FAF2: variants seen among roughly 807,000 people sequenced by gnomAD.
The protein encoded by FAF2 is FAS-associated factor 2.
A neutral mutation model predicts 62.3 loss-of-function variants in FAF2; 9 were observed. The observed-to-expected ratio is 0.14, with a 90% CI of 0.09 to 0.25. The LOEUF is 0.25. Among genes scored for constraint, FAF2 ranks in the 10% least tolerant of loss-of-function variants. The pLI is 1.00. For missense variants in FAF2, 368 were observed against 556.2 expected, an observed-to-expected ratio of 0.66 and a Z score of 3.40; for synonymous variants, 202 against 198.0, an observed-to-expected ratio of 1.02 and a Z score of -0.17.
At chr5:176,468,342 TGG>T (rs1259111103) in intron 1 of FAF2, among the ~76,000 whole-genome samples, 1 of 152,164 alleles carries the variant, frequency 6.6e-6, no homozygotes, top group East Asian at 1.9e-4. Context: ...CCCAGCACTT[TGG>T]GAGGCCGAGG....
At chr5:176,501,631 A>C (rs1286959150) in intron 10 of FAF2, among the ~76,000 whole-genome samples, 2 of 152,226 alleles carry the variant, frequency 1.3e-5, no homozygotes, top group Non-Finnish European at 2.9e-5. Flanking sequence ...AGAATGTAAG[A>C]CTCAGAGAAC....
intron 1 of FAF2, 53 bp downstream of exon 1, chr5:176,448,523 C>A: frequency 6.6e-7 from 1 of 1,521,984 alleles, no homozygotes; most frequent in Non-Finnish European, 8.9e-7. Context: ...GGGAGTAGGC[C>A]CCTAGAGGAG....
intron 1 of FAF2, among the ~76,000 whole-genome samples, chr5:176,461,646 A>G (rs929609702): frequency 1.3e-5 from 2 of 150,788 alleles, no homozygotes; most frequent in Admixed American, 6.6e-5. Flanking sequence ...TTTTTTTTTA[A>G]TGGGGTTATT....
At chr5:176,471,574 G>T (rs1758570499) in intron 1 of FAF2, among the ~76,000 whole-genome samples, 1 of 151,628 alleles carries the variant, frequency 6.6e-6, no homozygotes, top group African/African-American at 2.4e-5. Flanking sequence ...GTAGAGACGG[G>T]GTTTCACCAT....
intron 1 of FAF2, among the ~76,000 whole-genome samples, chr5:176,473,449 T>C (rs1758608368): frequency 6.6e-6 from 1 of 152,224 alleles, no homozygotes; most frequent in South Asian, 2.1e-4. Context: ...TGTCGATGTT[T>C]TGGCCTTGAT....
intron 1 of FAF2, among the ~76,000 whole-genome samples, chr5:176,472,211 T>G (rs1561819422): frequency 6.6e-6 from 1 of 151,722 alleles, no homozygotes; most frequent in Non-Finnish European, 1.5e-5. Flanking sequence ...GCTCACTGCT[T>G]TCTCAGCTCA....
intron 1 of FAF2, 117 bp from the exon 2 acceptor site, chr5:176,479,071 T>G: frequency 1.2e-6 from 1 of 820,706 alleles, no homozygotes; most frequent in Non-Finnish European, 2.1e-6. Context: ...TTACCATACT[T>G]TAACACTCAC....
rs61443027 is a variant in FAF2, at chr5:176,477,244, C to CTTTT, written c.64-1927_64-1924dup. Among the ~76,000 whole-genome samples, 238 of 78,410 alleles carry CTTTT rather than the reference C, an allele frequency of 3.0e-3. 2 individuals carry two copies. The highest frequency in any genetic ancestry group is 0.013 in the African/African-American group (225 of 17,844). 51.4% of individuals were successfully genotyped at this position (78,410 alleles called of 152,430 possible). A position where few individuals can be genotyped will look rare whatever the true frequency, so the allele number is the denominator to read the frequency against. On this transcript the variant is annotated intron_variant, in intron 1 of 10. Coordinates refer to ENST00000261942, the MANE Select transcript of FAF2 (RefSeq NM_014613.3). ...ACAGGCATGAGCCACCGTGCCCGGC[C>CTTTT]TTTTTTTTTTTTTTTTTTTTAAGTA...
chr5:176,506,708 T>C (rs964187704), intron 10 of FAF2, 60 bp from the exon 11 acceptor site: 3 of 955,940 alleles, frequency 3.1e-6, no homozygotes, highest in Admixed American at 2.5e-5. Flanking sequence ...CGTGTGTGCG[T>C]GTGTGTGTGT....
intron 1 of FAF2, among the ~76,000 whole-genome samples, chr5:176,467,791 G>A (rs1758496698): frequency 6.6e-6 from 1 of 152,132 alleles, no homozygotes. Context: ...CAGGATTGTT[G>A]AGGAAAATGT....
chr5:176,462,688 G>A (rs1367155833), intron 1 of FAF2, among the ~76,000 whole-genome samples: 2 of 152,190 alleles, frequency 1.3e-5, no homozygotes, highest in African/African-American at 4.8e-5. Flanking sequence ...ATCCTCTCAT[G>A]TCAAGTTTTA....
At chr5:176,465,889 T>C (rs982529094) in intron 1 of FAF2, among the ~76,000 whole-genome samples, 9 of 152,130 alleles carry the variant, frequency 5.9e-5, no homozygotes, top group Non-Finnish European at 7.4e-5. Flanking sequence ...CAAGTAATAA[T>C]GGGAGGCATT....
At chr5:176,471,243 C>T (rs1261358536) in intron 1 of FAF2, among the ~76,000 whole-genome samples, 1 of 152,120 alleles carries the variant, frequency 6.6e-6, no homozygotes, top group Non-Finnish European at 1.5e-5. Flanking sequence ...TCTTTCATGC[C>T]TTCTACAATT....
intron 1 of FAF2, among the ~76,000 whole-genome samples, chr5:176,474,953 C>T (rs983306101): frequency 2.6e-5 from 4 of 152,110 alleles, no homozygotes; most frequent in African/African-American, 9.7e-5. Flanking sequence ...TCACTTATTT[C>T]TAGGGCATAG....
intron 2 of FAF2, among the ~76,000 whole-genome samples, chr5:176,481,638 C>T (rs1282308580): frequency 1.3e-5 from 2 of 151,092 alleles, no homozygotes; most frequent in Non-Finnish European, 2.9e-5. Context: ...GCCTGGGGGA[C>T]AGAGTGAGAC....
chr5:176,483,518 T>C (rs1758818165), intron 2 of FAF2, among the ~76,000 whole-genome samples: 1 of 152,222 alleles, frequency 6.6e-6, no homozygotes, highest in Non-Finnish European at 1.5e-5. Context: ...TGTTGAAAGA[T>C]TATTCTTTCC....
At chr5:176,476,597 A>C (rs905984307) in intron 1 of FAF2, among the ~76,000 whole-genome samples, 3 of 150,272 alleles carry the variant, frequency 2.0e-5, no homozygotes, top group Non-Finnish European at 4.4e-5. Context: ...AGTCATTTGC[A>C]CACTGGGGAA....
chr5:176,487,477 C>CT (rs921531651), intron 3 of FAF2, among the ~76,000 whole-genome samples: 1 of 152,108 alleles, frequency 6.6e-6, no homozygotes, highest in African/African-American at 2.4e-5. Flanking sequence ...GGCACTGTGC[C>CT]TGGCCTACTT....
chr5:176,473,302 T>C (rs1049424315), intron 1 of FAF2, among the ~76,000 whole-genome samples: 2 of 152,222 alleles, frequency 1.3e-5, no homozygotes, highest in Non-Finnish European at 2.9e-5. Flanking sequence ...TTTTGTAGAA[T>C]ATTTCTCAAT....
Sources: allele counts gnomAD v4.1 joint callset (sites outside exome capture counted in the v4.1 genomes callset), GRCh38; gene constraint gnomAD v4.1.1; transcripts MANE v1.5; gene names NCBI Gene and HGNC (gene_info 2026-07-23, HGNC 2026-07-21).